RBFOX1: variants seen among roughly 807,000 people sequenced by gnomAD.
The protein encoded by RBFOX1 is RNA binding protein fox-1 homolog 1.
RBFOX1 carries 8 observed loss-of-function variants against 57.7 expected under a neutral mutation model. That is an observed-to-expected ratio of 0.14 (90% CI 0.08 to 0.25). The LOEUF (loss-of-function observed/expected upper bound fraction) is 0.25, where lower values mean the gene tolerates loss of function less well. RBFOX1 is among the 10% of genes least tolerant of loss of function. RBFOX1 has a pLI of 1.00. For synonymous variants in RBFOX1, 326 were observed against 222.4 expected (o/e 1.47, Z -4.15); for missense variants, 611 against 548.5 (o/e 1.11, Z -1.14).
At chr16:6,999,210 T>A (rs1364882895) in intron 3 of RBFOX1, among the ~76,000 whole-genome samples, 10 of 60,802 alleles carry the variant, frequency 1.6e-4, no homozygotes, top group African/African-American at 3.6e-4. Flanking sequence ...TTTTTTATTT[T>A]TATTTATTTT....
intron 4 of RBFOX1, 90 bp downstream of exon 4, chr16:7,052,188 A>T: frequency 6.6e-7 from 1 of 1,514,980 alleles, no homozygotes; most frequent in Non-Finnish European, 8.8e-7. Context: ...CACGGGTTCT[A>T]AATAACAGGC....
At chr16:6,657,803 G>A (rs944730731) in intron 3 of RBFOX1, among the ~76,000 whole-genome samples, 2 of 152,082 alleles carry the variant, frequency 1.3e-5, no homozygotes, top group Non-Finnish European at 2.9e-5. Flanking sequence ...AAGAGAACTG[G>A]TGGTGCTTTC....
At chr16:7,398,856 T>G (rs2098187262) in intron 4 of RBFOX1, among the ~76,000 whole-genome samples, 1 of 152,202 alleles carries the variant, frequency 6.6e-6, no homozygotes, top group Non-Finnish European at 1.5e-5. Flanking sequence ...ATCCTTGTAC[T>G]AAAGTGGGGC....
At chr16:6,124,549 C>T (rs116091097) in intron 1 of RBFOX1, among the ~76,000 whole-genome samples, 2 of 152,120 alleles carry the variant, frequency 1.3e-5, no homozygotes, top group Admixed American at 6.5e-5. Context: ...GTTGCCCAGA[C>T]TGGGGTGCAG....
chr16:5,768,585 G>A (rs2053868851), intron 3 of RBFOX1, among the ~76,000 whole-genome samples: 1 of 152,132 alleles, frequency 6.6e-6, no homozygotes, highest in African/African-American at 2.4e-5. Context: ...AAAGCTACCA[G>A]GTGGTAGCAT....
rs565313971 is a variant in RBFOX1 at position 6,765,297 on chromosome 16, T to C, written c.-16+110647T>C. ...TTGCAAACACAATATATAGCTCAAG[T>C]TTACTTTGTACTCAACAAAATCCAT... On this transcript the variant is annotated intron_variant, in intron 3 of 15. Transcript: ENST00000550418. 2.0e-5 allele frequency among the ~76,000 whole-genome samples: 3 copies of C among 152,242 alleles called. No homozygotes were observed. In the East Asian group the frequency reaches 5.8e-4, roughly 29 times the overall value.
intron 4 of RBFOX1, among the ~76,000 whole-genome samples, chr16:7,064,579 A>G (rs142388951): frequency 6.6e-6 from 1 of 152,214 alleles, no homozygotes; most frequent in Non-Finnish European, 1.5e-5. Flanking sequence ...ATGATCTGAG[A>G]AGAAACCAAC....
intron 2 of RBFOX1, among the ~76,000 whole-genome samples, chr16:6,479,839 C>T (rs987664078): frequency 1.3e-5 from 2 of 151,946 alleles, no homozygotes; most frequent in Admixed American, 1.3e-4. Context: ...CATTTGAGGT[C>T]AGGAGCTTGA....
chr16:7,303,864 C>G (rs936008646), intron 4 of RBFOX1, among the ~76,000 whole-genome samples: 1 of 147,930 alleles, frequency 6.8e-6, no homozygotes, highest in Non-Finnish European at 1.5e-5. Flanking sequence ...CCCTCCCTCT[C>G]GCTATCCTTG....
chr16:7,184,291 A>G (rs1007588353), intron 4 of RBFOX1, among the ~76,000 whole-genome samples: 3 of 152,222 alleles, frequency 2.0e-5, no homozygotes, highest in African/African-American at 7.2e-5. Context: ...AAGCTGTGGA[A>G]TGACCTTAGA....
At chr16:5,456,812 A>G (rs2068643783) in intron 1 of RBFOX1, among the ~76,000 whole-genome samples, 2 of 152,166 alleles carry the variant, frequency 1.3e-5, no homozygotes, top group African/African-American at 2.4e-5. Flanking sequence ...CCCTTGGAAT[A>G]ACACCTAACC....
At chr16:6,815,347 C>T (rs1005827447) in intron 3 of RBFOX1, among the ~76,000 whole-genome samples, 2 of 152,104 alleles carry the variant, frequency 1.3e-5, no homozygotes, top group Non-Finnish European at 2.9e-5. Flanking sequence ...CCTGTCTCAT[C>T]CTGTGACTAA....
chr16:5,657,226 A>G (rs906218179), intron 3 of RBFOX1, among the ~76,000 whole-genome samples: 1 of 152,216 alleles, frequency 6.6e-6, no homozygotes, highest in African/African-American at 2.4e-5. Flanking sequence ...ACTGACTTCA[A>G]AGCAAGCCAT....
At chr16:7,397,570 G>A (rs1183337376) in intron 4 of RBFOX1, among the ~76,000 whole-genome samples, 1 of 152,282 alleles carries the variant, frequency 6.6e-6, no homozygotes, top group African/African-American at 2.4e-5. Flanking sequence ...CAGTACCAAA[G>A]AGTCAGAACT....
intron 1 of RBFOX1, among the ~76,000 whole-genome samples, chr16:6,208,292 A>G (rs2097268565): frequency 6.6e-6 from 1 of 152,156 alleles, no homozygotes; most frequent in African/African-American, 2.4e-5. Flanking sequence ...TGCTTTATAC[A>G]TGTGTGCTTT....
At chr16:6,988,289 G>C (rs929562945) in intron 3 of RBFOX1, among the ~76,000 whole-genome samples, 11 of 152,128 alleles carry the variant, frequency 7.2e-5, no homozygotes, top group African/African-American at 2.7e-4. Flanking sequence ...TAGACCTTTA[G>C]AGCAGTGTAG....
chr16:6,959,993 A>G (rs1484071342), intron 3 of RBFOX1, among the ~76,000 whole-genome samples: 1 of 152,154 alleles, frequency 6.6e-6, no homozygotes, highest in Non-Finnish European at 1.5e-5. Context: ...CAAAGGCTGA[A>G]ATGTAACAAA....
chr16:7,566,496 C>A (rs1037843761), intron 5 of RBFOX1, among the ~76,000 whole-genome samples: 1 of 152,124 alleles, frequency 6.6e-6, no homozygotes, highest in South Asian at 2.1e-4. Context: ...AATTAGATAT[C>A]CTAAGTTCAA....
intron 4 of RBFOX1, among the ~76,000 whole-genome samples, chr16:7,348,732 A>T (rs890828490): frequency 8.5e-5 from 13 of 152,224 alleles, no homozygotes; most frequent in Non-Finnish European, 1.9e-4. Context: ...ACCTGAGGTC[A>T]GGAGTTCAAG....
Sources: allele counts gnomAD v4.1 joint callset (sites outside exome capture counted in the v4.1 genomes callset), GRCh38; gene constraint gnomAD v4.1.1; transcripts MANE v1.5; gene names NCBI Gene and HGNC (gene_info 2026-07-23, HGNC 2026-07-21).